The following RIT2 variants were observed in gnomAD, a reference collection of about 807,000 sequenced individuals.
The protein encoded by RIT2 is Ras like without CAAX 2, also known as GTP-binding protein Rit2.
In RIT2, 24 loss-of-function variants were observed where a neutral mutation model predicts 23.7. The observed-to-expected ratio is 1.01, with a 90% CI of 0.73 to 1.43. The LOEUF is 1.43. Among genes scored for constraint, RIT2 ranks in the 40% most tolerant of loss-of-function variants. The probability of loss-of-function intolerance (pLI) is 0.00; values close to 1 mark genes in which losing one functional copy is unlikely to be tolerated. For synonymous variants in RIT2, 107 were observed against 91.1 expected (o/e 1.17, Z -0.99); for missense variants, 236 against 266.9 (o/e 0.88, Z 0.81).
chr18:42,779,812 A>T (rs576394311), intron 4 of RIT2, among the ~76,000 whole-genome samples: 43 of 152,270 alleles, frequency 2.8e-4, no homozygotes, highest in Middle Eastern at 3.4e-3. Flanking sequence ...ACACAAAGGT[A>T]ATATTGTTCA....
At chr18:43,049,972 CTT>C (rs755291383) in intron 1 of RIT2, among the ~76,000 whole-genome samples, 143 of 65,968 alleles carry the variant, frequency 2.2e-3, no homozygotes, top group Admixed American at 3.4e-3. Flanking sequence ...AAGGGATTTC[CTT>C]TTTTTTTTTT....
chr18:42,848,293 C>A (rs1032077654), intron 4 of RIT2, among the ~76,000 whole-genome samples: 1 of 152,122 alleles, frequency 6.6e-6, no homozygotes, highest in Non-Finnish European at 1.5e-5. Flanking sequence ...TCCTACAAAA[C>A]ACAACCTATT....
chr18:42,791,724 G>T (rs1418559189), intron 4 of RIT2, among the ~76,000 whole-genome samples: 2 of 152,130 alleles, frequency 1.3e-5, no homozygotes, highest in African/African-American at 2.4e-5. Flanking sequence ...GCTGATTTCT[G>T]TTCTTTTAAT....
At chr18:43,029,144 C>CT (rs1025077173) in intron 2 of RIT2, among the ~76,000 whole-genome samples, 22 of 151,946 alleles carry the variant, frequency 1.4e-4, no homozygotes, top group African/African-American at 5.1e-4. Context: ...GCATTTTATT[C>CT]TTTTTTTGTA....
At chr18:43,069,283 C>T (rs1449886471) in intron 1 of RIT2, among the ~76,000 whole-genome samples, 1 of 151,904 alleles carries the variant, frequency 6.6e-6, no homozygotes, top group Non-Finnish European at 1.5e-5. Context: ...TTGGGAACGC[C>T]CTACTCTGTC....
At chr18:43,071,409 G>A (rs76393237) in intron 1 of RIT2, among the ~76,000 whole-genome samples, 6,993 of 152,116 alleles carry the variant, frequency 0.046, 195 homozygotes, top group South Asian at 0.12. Flanking sequence ...ATTTGAATGG[G>A]ACAAAAAGAA....
chr18:43,104,755 T>C (rs571463481), intron 1 of RIT2, among the ~76,000 whole-genome samples: 15 of 152,114 alleles, frequency 9.9e-5, no homozygotes, highest in Non-Finnish European at 1.5e-4. Flanking sequence ...AGCTGAAGTT[T>C]TTACAATTTC....
chr18:42,793,955 T>C (rs1317141285), intron 4 of RIT2, among the ~76,000 whole-genome samples: 2 of 152,172 alleles, frequency 1.3e-5, no homozygotes, highest in East Asian at 3.9e-4. Context: ...CCTTCTCTCA[T>C]ATCCAAATCC....
intron 4 of RIT2, among the ~76,000 whole-genome samples, chr18:42,825,989 C>T (rs984352530): frequency 6.6e-6 from 1 of 152,080 alleles, no homozygotes; most frequent in Non-Finnish European, 1.5e-5. Context: ...TGGATAGACT[C>T]ATTTGACATC....
intron 4 of RIT2, among the ~76,000 whole-genome samples, chr18:42,896,821 G>A (rs1438283683): frequency 1.3e-5 from 2 of 152,140 alleles, no homozygotes; most frequent in Non-Finnish European, 2.9e-5. Flanking sequence ...TACAATCATA[G>A]AGTGAGAAAA....
chr18:43,072,789 C>T (rs1424458713), intron 1 of RIT2, among the ~76,000 whole-genome samples: 1 of 152,124 alleles, frequency 6.6e-6, no homozygotes, highest in Non-Finnish European at 1.5e-5. Context: ...ACTAATTAAT[C>T]TCTTACTGGA....
At chr18:42,894,100 T>G (rs1249270684) in intron 4 of RIT2, among the ~76,000 whole-genome samples, 2 of 152,210 alleles carry the variant, frequency 1.3e-5, no homozygotes, top group Admixed American at 1.3e-4. Context: ...ACAGCTTAGC[T>G]GATCCCTTGC....
chr18:43,107,497 A>C (rs1479421694), intron 1 of RIT2, among the ~76,000 whole-genome samples: 1 of 152,190 alleles, frequency 6.6e-6, no homozygotes, highest in Non-Finnish European at 1.5e-5. Context: ...TATATGTTTA[A>C]AGAAAGTATG....
intron 4 of RIT2, among the ~76,000 whole-genome samples, chr18:42,817,083 T>C (rs920855032): frequency 2.6e-5 from 4 of 152,112 alleles, no homozygotes; most frequent in Admixed American, 1.3e-4. Context: ...ACTTTTTTTT[T>C]TTGTCAGTTT....
chr18:43,009,833 T>G (rs1911311019), intron 2 of RIT2, among the ~76,000 whole-genome samples: 1 of 151,676 alleles, frequency 6.6e-6, no homozygotes, highest in Non-Finnish European at 1.5e-5. Flanking sequence ...CCAGGAAGCT[T>G]CTTTCACCTC....
intron 4 of RIT2, among the ~76,000 whole-genome samples, chr18:42,843,915 G>C (rs1222511807): frequency 1.3e-5 from 2 of 152,162 alleles, no homozygotes; most frequent in Admixed American, 1.3e-4. Flanking sequence ...AAAAACATTT[G>C]AGTAAGAGAA....
In RIT2 at chr18:43,115,614, A is replaced by C. The variant is rs977282175; in HGVS notation, c.-95T>G. The C allele has an allele frequency of 3.3e-5, 49 of 1,490,742 alleles. No individual in the cohort carries two copies. The highest frequency in any genetic ancestry group is 4.3e-5 in the Non-Finnish European group (49 of 1,127,668). 92.3% of individuals were successfully genotyped at this position (1,490,742 alleles called of 1,614,324 possible). Reference sequence around the variant, plus strand: ...AGCAACTCTAAAACTGTGTCAAAGCAAAGGTTTTAGTACGAGGTAAGAACC... The same window carrying C: ...AGCAACTCTAAAACTGTGTCAAAGCCAAGGTTTTAGTACGAGGTAAGAACC... On this transcript the variant is annotated 5_prime_UTR_variant, in exon 1 of 5. Coordinates refer to ENST00000326695, the MANE Select transcript of RIT2 (RefSeq NM_002930.4).
intron 1 of RIT2, among the ~76,000 whole-genome samples, chr18:43,049,563 C>T (rs1337453658): frequency 6.6e-6 from 1 of 152,050 alleles, no homozygotes; most frequent in African/African-American, 2.4e-5. Context: ...GTAATTACAT[C>T]ATTGTGCACT....
At chr18:42,923,494 C>A in intron 4 of RIT2, 78 bp downstream of exon 4, 1 of 1,181,498 alleles carries the variant, frequency 8.5e-7, no homozygotes, top group Non-Finnish European at 1.2e-6. Flanking sequence ...TCAGTGTGAA[C>A]CTGGGAAAGC....
Sources: allele counts gnomAD v4.1 joint callset (sites outside exome capture counted in the v4.1 genomes callset), GRCh38; gene constraint gnomAD v4.1.1; transcripts MANE v1.5; gene names NCBI Gene and HGNC (gene_info 2026-07-23, HGNC 2026-07-21).